The following CREBBP variants were observed in gnomAD, a reference collection of about 807,000 sequenced individuals.
CREBBP encodes the protein CREB binding lysine acetyltransferase.
In CREBBP, 19 loss-of-function variants were observed where a neutral mutation model predicts 265.0. The observed-to-expected ratio is 0.07, with a 90% CI of 0.05 to 0.11. The LOEUF is 0.11. Among genes scored for constraint, CREBBP ranks in the 10% least tolerant of loss-of-function variants. CREBBP has a pLI of 1.00. For missense variants in CREBBP, 2,525 were observed against 3,219.0 expected (o/e 0.78, Z 5.22); for synonymous variants, 1,457 against 1,223.7 (o/e 1.19, Z -3.98).
intron 3 of CREBBP, among the ~76,000 whole-genome samples, chr16:3,799,180 G>A (rs2053664999): frequency 6.6e-6 from 1 of 152,294 alleles, no homozygotes; most frequent in Admixed American, 6.5e-5. Context: ...AGGGGAAATG[G>A]GGAATAACTG....
intron 16 of CREBBP, chr16:3,767,433 A>T (rs1213363545): frequency 1.8e-6 from 1 of 541,620 alleles, no homozygotes; most frequent in Non-Finnish European, 3.3e-6. Context: ...GGACCCAGAC[A>T]CATTTCAACT....
intron 16 of CREBBP, among the ~76,000 whole-genome samples, chr16:3,762,705 T>C (rs993823242): frequency 2.0e-5 from 3 of 152,148 alleles, no homozygotes; most frequent in Non-Finnish European, 4.4e-5. Flanking sequence ...CCAGCCCCTG[T>C]GACTACTGAA....
rs142859543 is a variant in CREBBP at position 3,879,860 on chromosome 16, C to T, written c.57G>A (p.Ser19=). Residue 19 remains serine, a synonymous_variant, in exon 1 of 31, where the codon TCG becomes TCA. Coordinates refer to ENST00000262367, the MANE Select transcript of CREBBP (RefSeq NM_004380.3). ...TGCTGTCATTCGCCGAGAAACCGGG[C>T]GAGCTGAGTTTGGCTCTTTTGGGGT... ...PPNPKRAKLS[S]PGFSANDSTD... is the part of the protein sequence containing the mutation. 1.2e-6 allele frequency: 2 copies of T among 1,612,056 alleles called. No homozygotes were observed. The highest frequency in any genetic ancestry group is 1.7e-6 in the Non-Finnish European group (2 of 1,179,156).
At chr16:3,855,180 C>T (rs917254198) in intron 1 of CREBBP, among the ~76,000 whole-genome samples, 1 of 152,208 alleles carries the variant, frequency 6.6e-6, no homozygotes, top group African/African-American at 2.4e-5. Context: ...GATCATGGTG[C>T]ATTTAATTGT....
At chr16:3,837,358 G>GT (rs2054474280) in intron 2 of CREBBP, among the ~76,000 whole-genome samples, 1 of 152,194 alleles carries the variant, frequency 6.6e-6, no homozygotes, top group African/African-American at 2.4e-5. Flanking sequence ...GCTCACACCT[G>GT]TAATCCCAGC....
chr16:3,834,038 T>A (rs774429264), intron 2 of CREBBP, among the ~76,000 whole-genome samples: 1 of 152,194 alleles, frequency 6.6e-6, no homozygotes, highest in African/African-American at 2.4e-5. Flanking sequence ...CCACATCTTA[T>A]CACAGAAATG....
Position 3,731,082 on chromosome 16 carries a change from G to A in CREBBP, c.5172+110C>T. 8.7e-7 allele frequency: 1 copy of A among 1,154,466 alleles called. No homozygotes were observed. The highest frequency in any genetic ancestry group is 1.3e-6 in the Non-Finnish European group (1 of 792,186). 71.5% of individuals were successfully genotyped at this position (1,154,466 alleles called of 1,614,324 possible). ...CGCTGTCCTAGTTCTGGAGGAGTCA[G>A]TGCAGCCACCATCAGGTACAGACAC... On this transcript the variant is annotated intron_variant, in intron 30 of 30. Coordinates refer to ENST00000262367, the MANE Select transcript of CREBBP (RefSeq NM_004380.3). The surrounding 1 kb of genome is among the most constrained non-coding windows in gnomAD (Gnocchi z 7.7).
intron 2 of CREBBP, among the ~76,000 whole-genome samples, chr16:3,838,696 C>T (rs4785940): frequency 6.0e-4 from 91 of 152,190 alleles, no homozygotes; most frequent in African/African-American, 2.0e-3. Flanking sequence ...CATTTCTGTG[C>T]TAATTTTGTA....
chr16:3,877,878 C>G (rs375944106), intron 1 of CREBBP, among the ~76,000 whole-genome samples: 18 of 152,228 alleles, frequency 1.2e-4, no homozygotes, highest in African/African-American at 3.4e-4. Context: ...TTTGGTCCCA[C>G]GAAAGAGCCC....
chr16:3,815,602 G>A (rs938391625), intron 2 of CREBBP, among the ~76,000 whole-genome samples: 1 of 149,810 alleles, frequency 6.7e-6, no homozygotes, highest in Non-Finnish European at 1.5e-5. Flanking sequence ...GGTTCATCAG[G>A]ATTTGGTTTA....
intron 2 of CREBBP, among the ~76,000 whole-genome samples, chr16:3,822,786 A>T (rs2054165504): frequency 6.6e-6 from 1 of 152,236 alleles, no homozygotes; most frequent in Admixed American, 6.5e-5. Context: ...CATAATTAGC[A>T]AAGTAAAGTG....
chr16:3,833,448 T>C (rs910040150), intron 2 of CREBBP, among the ~76,000 whole-genome samples: 2 of 152,082 alleles, frequency 1.3e-5, no homozygotes, highest in Non-Finnish European at 2.9e-5. Flanking sequence ...AACATTGTAC[T>C]AGAGGTCCTA....
At chr16:3,764,342 T>G (rs1596870455) in intron 16 of CREBBP, among the ~76,000 whole-genome samples, 2 of 152,088 alleles carry the variant, frequency 1.3e-5, no homozygotes, top group African/African-American at 4.8e-5. Flanking sequence ...ACTGGCACAA[T>G]CATGGTTCAC....
At chr16:3,768,138 T>G (rs1008578237) in intron 15 of CREBBP, among the ~76,000 whole-genome samples, 7 of 87,406 alleles carry the variant, frequency 8.0e-5, no homozygotes, top group South Asian at 4.4e-4. Context: ...TTAAAAGTGT[T>G]TTTTTTTTTT....
intron 20 of CREBBP, among the ~76,000 whole-genome samples, chr16:3,750,913 T>TG (rs1164814497): frequency 1.3e-5 from 2 of 152,176 alleles, no homozygotes; most frequent in African/African-American, 2.4e-5. Flanking sequence ...GTTCTGCAAA[T>TG]GGGGATACCT....
chr16:3,767,804 T>G lies in CREBBP; in HGVS notation c.3166A>C (p.Lys1056Gln). 2 of 1,614,220 alleles carry G rather than the reference T, an allele frequency of 1.2e-6. No homozygotes were observed. The highest frequency in any genetic ancestry group is 2.7e-5 in the African/African-American group (2 of 75,066). ...MEVDEKKPEV[K>Q]VEVKEEEESS... is the part of the protein sequence containing the mutation. The stretch of plus-strand genomic sequence containing the variant: ...TCTTCTTCCTCTTTAACTTCTACTT[T>G]CACTTCAGGTTTCTTTTCATCCACT... Residue 1056 changes from lysine to glutamine, a missense_variant, in exon 16 of 31, where the codon AAA (lysine) becomes CAA (glutamine). Transcript: ENST00000262367.
chr16:3,786,564 G>A (rs1389166625), intron 5 of CREBBP, among the ~76,000 whole-genome samples: 1 of 152,198 alleles, frequency 6.6e-6, no homozygotes, highest in East Asian at 1.9e-4. Flanking sequence ...AGACCATGAA[G>A]CAGAGCAGTA....
intron 2 of CREBBP, among the ~76,000 whole-genome samples, chr16:3,814,223 G>C (rs2053994338): frequency 7.6e-5 from 3 of 39,540 alleles, no homozygotes; most frequent in East Asian, 3.6e-3. Flanking sequence ...TTCTGTGTGT[G>C]TGTGTGTGTG....
chr16:3,866,515 T>C (rs1364461535), intron 1 of CREBBP, among the ~76,000 whole-genome samples: 1 of 152,188 alleles, frequency 6.6e-6, no homozygotes, highest in Admixed American at 6.5e-5. Context: ...CTTCTCACCA[T>C]TTAACAGATT....
Sources: gnomAD v4.1 joint callset for allele counts (sites outside exome capture counted in the v4.1 genomes callset) on GRCh38, gnomAD v4.1.1 for gene constraint, Gnocchi (gnomAD v3.1) non-coding constraint, MANE v1.5 for transcripts, NCBI Gene and HGNC (gene_info 2026-07-23, HGNC 2026-07-21) for gene names.